The following MTMR2 variants were observed in gnomAD, a reference collection of about 807,000 sequenced individuals.
MTMR2 encodes the protein myotubularin related protein 2.
A neutral mutation model predicts 86.9 loss-of-function variants in MTMR2; 55 were observed. That is an observed-to-expected ratio of 0.63 (90% CI 0.51 to 0.79). The LOEUF (loss-of-function observed/expected upper bound fraction) is 0.79. Ranked by LOEUF, MTMR2 falls within the 30% of genes least tolerant of loss-of-function variation. The pLI, the probability that MTMR2 is intolerant of heterozygous loss-of-function variation, is 0.00. For missense variants in MTMR2, 659 were observed against 772.3 expected, an observed-to-expected ratio of 0.85 and a Z score of 1.74; for synonymous variants, 241 against 266.8, an observed-to-expected ratio of 0.90 and a Z score of 0.94.
At chr11:95,872,030 A>G (rs1345350511) in intron 2 of MTMR2, among the ~76,000 whole-genome samples, 1 of 152,188 alleles carries the variant, frequency 6.6e-6, no homozygotes, top group African/African-American at 2.4e-5. Context: ...GGTTTGTCAA[A>G]GATCAGATAG....
At chr11:95,914,599 A>G (rs775489866) in intron 1 of MTMR2, among the ~76,000 whole-genome samples, 49 of 129,324 alleles carry the variant, frequency 3.8e-4, no homozygotes, top group Non-Finnish European at 8.3e-4. Context: ...GAAGGCAAAC[A>G]AAATTCAAAG....
chr11:95,848,219 A>T (rs1188702667), intron 9 of MTMR2, among the ~76,000 whole-genome samples: 1 of 152,194 alleles, frequency 6.6e-6, no homozygotes, highest in African/African-American at 2.4e-5. Flanking sequence ...CTACCCAAAC[A>T]TAAGTTCTTA....
At chr11:95,907,379 A>G (rs932552451) in intron 1 of MTMR2, among the ~76,000 whole-genome samples, 2 of 152,090 alleles carry the variant, frequency 1.3e-5, no homozygotes, top group African/African-American at 4.8e-5. Context: ...TAAAAAGCCT[A>G]ACAACTAGAA....
At chr11:95,897,614 C>T (rs896208054) in intron 1 of MTMR2, among the ~76,000 whole-genome samples, 13 of 152,070 alleles carry the variant, frequency 8.5e-5, no homozygotes, top group African/African-American at 3.1e-4. Flanking sequence ...AGCCACAATT[C>T]CTTTAAATAT....
At chr11:95,901,171 A>G (rs1237947594) in intron 1 of MTMR2, among the ~76,000 whole-genome samples, 13 of 152,132 alleles carry the variant, frequency 8.5e-5, no homozygotes, top group African/African-American at 3.1e-4. Context: ...ATCTTCAGTT[A>G]CCATCTCTGT....
chr11:95,893,199 G>C (rs1460673945), intron 1 of MTMR2, among the ~76,000 whole-genome samples: 1 of 152,016 alleles, frequency 6.6e-6, no homozygotes, highest in Non-Finnish European at 1.5e-5. Flanking sequence ...AAGATAAACT[G>C]TCAACAACCT....
At chr11:95,920,083 T>C (rs1173381124) in intron 1 of MTMR2, among the ~76,000 whole-genome samples, 2 of 152,218 alleles carry the variant, frequency 1.3e-5, no homozygotes, top group Non-Finnish European at 2.9e-5. Context: ...CTATATCTTA[T>C]AAAGTCATAC....
In MTMR2 at chr11:95,923,930, T is replaced by C. The variant is rs1867036601; in HGVS notation, c.25A>G (p.Ser9Gly). MEKSSSCE[S>G]LGSQPAAARP... ...GCCGCCGCCGGCTGGGAGCCAAGAC[T>C]CTCGCAGCTCGAGCTCTTCTCCATC... The change falls in exon 1 of 15, where the codon AGT becomes GGT. Residue 9 changes from serine to glycine, a missense_variant. Ser to Gly is a moderately conservative substitution (Grantham distance 56, BLOSUM62 0). Coordinates refer to ENST00000346299, the MANE Select transcript of MTMR2 (RefSeq NM_016156.6). 1.3e-6 allele frequency: 2 copies of C among 1,561,146 alleles called. No individual in the cohort carries two copies. Among genetic ancestry groups the C allele is most frequent in the African/African-American group, 2.7e-5 (2 of 73,634 alleles).
chr11:95,850,950 C>T (rs562069156), intron 7 of MTMR2, among the ~76,000 whole-genome samples: 3 of 151,872 alleles, frequency 2.0e-5, no homozygotes, highest in South Asian at 2.1e-4. Flanking sequence ...TTGTGGAACC[C>T]AATTTGATGT....
chr11:95,859,837 T>C (rs1237405164), intron 5 of MTMR2, among the ~76,000 whole-genome samples: 1 of 152,200 alleles, frequency 6.6e-6, no homozygotes, highest in African/African-American at 2.4e-5. Context: ...AGACAGTATA[T>C]GATCCAAAAC....
chr11:95,838,841 G>A (rs1004145556), intron 12 of MTMR2, among the ~76,000 whole-genome samples: 1 of 151,954 alleles, frequency 6.6e-6, no homozygotes, highest in Admixed American at 6.6e-5. Flanking sequence ...TTGACTGGAT[G>A]TCTTAGTTTT....
Position 95,841,713 on chromosome 11 carries a change from A to G in MTMR2, c.1387-4T>C, listed in dbSNP as rs1565346178. 4 of 1,581,152 alleles carry G rather than the reference A, an allele frequency of 2.5e-6. No individual in the cohort carries two copies. Among genetic ancestry groups the G allele is most frequent in the Non-Finnish European group, 3.5e-6 (4 of 1,153,102 alleles). On this transcript the variant is annotated splice_region_variant and splice_polypyrimidine_tract_variant and intron_variant, in intron 11 of 14. Transcript: ENST00000346299. ...TCTTATCTCCATGGCCAACTCTCTG[A>G]AGCAAAAAGAGTGAAATATATGAAC... is the stretch of plus-strand genomic sequence containing the variant.
intron 3 of MTMR2, 155 bp downstream of exon 3, chr11:95,865,446 A>G (rs1864576659): frequency 2.6e-6 from 2 of 758,904 alleles, no homozygotes; most frequent in East Asian, 2.5e-5. Flanking sequence ...TTACGTTTGT[A>G]GAACACACTA....
At chr11:95,850,270 G>A (rs1190274464) in intron 8 of MTMR2, among the ~76,000 whole-genome samples, 8 of 132,878 alleles carry the variant, frequency 6.0e-5, no homozygotes, top group Admixed American at 5.9e-4. Context: ...GTTCTTTCTA[G>A]GACTTAAAAA....
intron 1 of MTMR2, among the ~76,000 whole-genome samples, chr11:95,890,085 A>G (rs888003253): frequency 2.0e-5 from 3 of 152,186 alleles, no homozygotes; most frequent in Non-Finnish European, 2.9e-5. Context: ...TCACCTCCCC[A>G]AAAAAGAAAT....
At chr11:95,856,326 C>T (rs1035886403) in intron 7 of MTMR2, among the ~76,000 whole-genome samples, 1 of 140,328 alleles carries the variant, frequency 7.1e-6, no homozygotes, top group Non-Finnish European at 1.6e-5. Flanking sequence ...GCAAGTATTA[C>T]CACTTCCTTT....
rs749533331 is a variant in MTMR2 at position 95,836,321 on chromosome 11, G to A, written c.1597C>T (p.Leu533Phe). 1 of 1,612,358 alleles carries A rather than the reference G, an allele frequency of 6.2e-7. No homozygotes were observed. Among genetic ancestry groups the A allele is most frequent in the Admixed American group, 1.7e-5 (1 of 59,916 alleles). ...NSEQQRGKEN[L>F]PKRTVSLWSY... is the part of the protein sequence containing the mutation. ...CACAGTGACACAGTCCTTTTAGGAA[G>A]ATTCTGTAGGCAGGAAAAATAGGTA... is the stretch of plus-strand genomic sequence containing the variant. Residue 533 changes from leucine to phenylalanine, a missense_variant, in exon 14 of 15, where the codon CTT becomes TTT. Physicochemically the swap from Leu to Phe is conservative, Grantham distance 22 (BLOSUM62 0). Transcript: ENST00000346299.
rs76259736 is a variant in MTMR2 at position 95,878,916 on chromosome 11, A to G, written c.186+9240T>C. 1.4e-4 allele frequency among the ~76,000 whole-genome samples: 22 copies of G among 152,298 alleles called. No individual in the cohort carries two copies. The East Asian group carries it at 4.2e-3, about 29-fold the overall frequency. ...TGAGCCCAGTTTATGTACTGTTTTT[A>G]GAAGATCATTATTCATTCAGTGCTC... On this transcript the variant is annotated intron_variant, in intron 2 of 14. Coordinates refer to ENST00000346299, the MANE Select transcript of MTMR2 (RefSeq NM_016156.6).
At chr11:95,857,249 A>G (rs1315239589) in intron 7 of MTMR2, among the ~76,000 whole-genome samples, 5 of 152,168 alleles carry the variant, frequency 3.3e-5, no homozygotes, top group Admixed American at 1.3e-4. Flanking sequence ...GAAATAATCA[A>G]TATGTCTTAA....
Sources: gnomAD v4.1 joint callset for allele counts (sites outside exome capture counted in the v4.1 genomes callset) on GRCh38, gnomAD v4.1.1 for gene constraint, MANE v1.5 for transcripts, NCBI Gene and HGNC (gene_info 2026-07-23, HGNC 2026-07-21) for gene names.